The following NRG1 variants were observed in gnomAD, a reference collection of about 807,000 sequenced individuals.
NRG1 encodes the protein pro-neuregulin-1, membrane-bound isoform.
NRG1 carries 18 observed loss-of-function variants against 63.8 expected under a neutral mutation model. The observed-to-expected ratio is 0.28, with a 90% CI of 0.19 to 0.42. The LOEUF is 0.42. NRG1 is among the 10% of genes least tolerant of loss of function. The pLI, the probability that NRG1 is intolerant of heterozygous loss-of-function variation, is 1.00. For synonymous variants in NRG1, 302 were observed against 301.3 expected, an observed-to-expected ratio of 1.00 and a Z score of -0.02; for missense variants, 762 against 814.7, an observed-to-expected ratio of 0.94 and a Z score of 0.79.
At chr8:32,320,499 T>C (rs950440951) in intron 1 of NRG1, among the ~76,000 whole-genome samples, 6 of 152,116 alleles carry the variant, frequency 3.9e-5, no homozygotes, top group African/African-American at 1.4e-4. Flanking sequence ...CTTACAATCA[T>C]GGCAGAAGGT....
At chr8:31,730,543 G>A (rs1321981627) in intron 1 of NRG1, among the ~76,000 whole-genome samples, 2 of 152,050 alleles carry the variant, frequency 1.3e-5, no homozygotes, top group Non-Finnish European at 2.9e-5. Flanking sequence ...GGAACAGATG[G>A]GCGTCAGACA....
At position 32,540,870 on chromosome 8, in the gene NRG1, C is replaced by T. The variant is rs554298037; in HGVS notation, c.38-54958C>T. The stretch of plus-strand genomic sequence containing the variant: ...GATTAGGCAGGAAAAACAACATTTT[C>T]CATAAGAATGTAATCTTCTGCATGG... On this transcript the variant is annotated intron_variant, in intron 1 of 10. Coordinates refer to the NRG1 transcript ENST00000519301. Among the ~76,000 whole-genome samples, 31 of 151,730 alleles carry T rather than the reference C, an allele frequency of 2.0e-4. No homozygotes were observed. The East Asian group carries it at 5.8e-3, about 28-fold the overall frequency.
intron 1 of NRG1, among the ~76,000 whole-genome samples, chr8:32,257,499 A>G (rs942711142): frequency 2.0e-5 from 3 of 152,222 alleles, no homozygotes; most frequent in South Asian, 2.1e-4. Flanking sequence ...CATCAAATAT[A>G]TATAACATGT....
intron 1 of NRG1, among the ~76,000 whole-genome samples, chr8:32,174,072 T>A (rs984525453): frequency 6.6e-6 from 1 of 152,252 alleles, no homozygotes; most frequent in South Asian, 2.1e-4. Context: ...TATTCCAAAA[T>A]TGACCACATA....
chr8:32,360,147 C>A (rs1399701059), intron 1 of NRG1, among the ~76,000 whole-genome samples: 2 of 152,152 alleles, frequency 1.3e-5, no homozygotes, highest in African/African-American at 2.4e-5. Context: ...ATGGCAATTT[C>A]AGGAAATTAA....
intron 1 of NRG1, among the ~76,000 whole-genome samples, chr8:32,267,048 CAAAAAAAGAAAGAAAG>C (rs1418132823): frequency 2.2e-5 from 3 of 134,878 alleles, no homozygotes; most frequent in Admixed American, 8.0e-5. Context: ...GACTCCATCT[CAAAAAAAGAAAGAAAG>C]AAAAAAAGAA....
At chr8:32,474,831 G>T (rs1343376394) in intron 1 of NRG1, among the ~76,000 whole-genome samples, 1 of 152,024 alleles carries the variant, frequency 6.6e-6, no homozygotes, top group Non-Finnish European at 1.5e-5. Flanking sequence ...GGTTGCAATT[G>T]TATGCTATGG....
At chr8:32,326,307 C>CTTTTTTT (rs745434807) in intron 1 of NRG1, among the ~76,000 whole-genome samples, 3 of 101,412 alleles carry the variant, frequency 3.0e-5, no homozygotes, top group African/African-American at 4.1e-5. Context: ...TGTGCCCAGG[C>CTTTTTTT]TTTTTTTTTT....
At chr8:32,551,910 C>CTTTTT (rs34051371) in intron 1 of NRG1, among the ~76,000 whole-genome samples, 6 of 112,170 alleles carry the variant, frequency 5.3e-5, no homozygotes, top group Non-Finnish European at 7.0e-5. Flanking sequence ...AAAACCAGAG[C>CTTTTT]TTTTTTTTTT....
intron 1 of NRG1, among the ~76,000 whole-genome samples, chr8:32,459,817 G>A (rs750548226): frequency 6.6e-6 from 1 of 152,120 alleles, no homozygotes; most frequent in Non-Finnish European, 1.5e-5. Flanking sequence ...AGGCCTTAGG[G>A]CCTTTGCAAT....
At chr8:32,426,988 C>CT (rs557526201) in intron 1 of NRG1, among the ~76,000 whole-genome samples, 108 of 145,888 alleles carry the variant, frequency 7.4e-4, no homozygotes, top group South Asian at 2.4e-3. Flanking sequence ...TCCACTTGTC[C>CT]TTTTTTTTTT....
intron 1 of NRG1, among the ~76,000 whole-genome samples, chr8:31,644,383 A>G (rs1554494918): frequency 6.6e-6 from 1 of 152,200 alleles, no homozygotes; most frequent in Non-Finnish European, 1.5e-5. Context: ...GTCATTTGGG[A>G]GAAGAACTCC....
intron 1 of NRG1, among the ~76,000 whole-genome samples, chr8:32,196,909 G>A (rs1020001923): frequency 3.8e-4 from 47 of 124,206 alleles, no homozygotes; most frequent in African/African-American, 1.3e-3. Context: ...TGTTTCTAAA[G>A]CTGGTTTTCT....
intron 1 of NRG1, among the ~76,000 whole-genome samples, chr8:32,108,739 A>G (rs1831606364): frequency 1.3e-5 from 2 of 152,084 alleles, no homozygotes; most frequent in South Asian, 4.2e-4. Context: ...GCTGACTTTG[A>G]AGAAGGAGGC....
chr8:32,315,953 G>C (rs1462822701), intron 1 of NRG1, among the ~76,000 whole-genome samples: 1 of 151,648 alleles, frequency 6.6e-6, no homozygotes, highest in Admixed American at 6.6e-5. Context: ...AGGCAGTGGA[G>C]TACATAGAAA....
intron 1 of NRG1, among the ~76,000 whole-genome samples, chr8:32,052,457 T>G (rs922615827): frequency 2.0e-5 from 3 of 151,636 alleles, no homozygotes; most frequent in Non-Finnish European, 4.4e-5. Context: ...TTATTTGTAT[T>G]TTTTTTAAAG....
Position 31,640,354 on chromosome 8 carries a change from G to C in NRG1, c.37+923G>C. The C allele has an allele frequency of 8.2e-7, 1 of 1,224,114 alleles. No individual in the cohort carries two copies. The highest frequency in any genetic ancestry group is 3.6e-5 in the South Asian group (1 of 27,880). 75.8% of individuals were successfully genotyped at this position (1,224,114 alleles called of 1,614,324 possible). ...CGAGCCGCCAGCCGCGGGCCCACGG[G>C]CGCTGGGGCCGCCCGCCGAGGAGCC... On this transcript the variant is annotated intron_variant, in intron 1 of 10. Transcript: ENST00000519301. This position sits in a 1 kb window ranked among gnomAD's most constrained non-coding sequence, Gnocchi z 6.3.
chr8:32,394,636 C>T (rs1238182846), intron 1 of NRG1, among the ~76,000 whole-genome samples: 1 of 152,114 alleles, frequency 6.6e-6, no homozygotes, highest in African/African-American at 2.4e-5. Flanking sequence ...GATCACTTAT[C>T]CCTTACCTCG....
chr8:31,819,054 A>AAAAAC (rs146058424), intron 1 of NRG1, among the ~76,000 whole-genome samples: 21,269 of 151,692 alleles, frequency 0.14, 1,591 homozygotes, highest in Admixed American at 0.17. Context: ...ACTTCTTCTC[A>AAAAAC]AAAACAAAAC....
Sources: gnomAD v4.1 joint callset for allele counts (sites outside exome capture counted in the v4.1 genomes callset) on GRCh38, gnomAD v4.1.1 for gene constraint, Gnocchi (gnomAD v3.1) non-coding constraint, MANE v1.5 for transcripts, NCBI Gene and HGNC (gene_info 2026-07-23, HGNC 2026-07-21) for gene names.